CALN1: variants seen among roughly 807,000 people sequenced by gnomAD.
CALN1 encodes calneuron 1, also known as calcium-binding protein 8.
CALN1 carries 17 observed loss-of-function variants against 30.6 expected under a neutral mutation model. The observed-to-expected ratio is 0.56, with a 90% CI of 0.38 to 0.83. The LOEUF is 0.83. Ranked by LOEUF, CALN1 falls within the 40% of genes least tolerant of loss-of-function variation. CALN1 has a pLI of 0.00. For synonymous variants in CALN1, 156 were observed against 131.4 expected, an observed-to-expected ratio of 1.19 and a Z score of -1.28; for missense variants, 291 against 354.9, an observed-to-expected ratio of 0.82 and a Z score of 1.45.
intron 5 of CALN1, among the ~76,000 whole-genome samples, chr7:71,863,687 G>C (rs1203391352): frequency 6.6e-6 from 1 of 151,744 alleles, no homozygotes; most frequent in African/African-American, 2.4e-5. Flanking sequence ...AAGGCTCCAC[G>C]CAGGAGTCTG....
At chr7:72,025,452 C>A (rs1312842560) in intron 4 of CALN1, among the ~76,000 whole-genome samples, 2 of 152,200 alleles carry the variant, frequency 1.3e-5, no homozygotes, top group African/African-American at 2.4e-5. Context: ...ATATTGAACA[C>A]CAAAGCAGGC....
chr7:71,901,170 C>G (rs989027999), intron 5 of CALN1, among the ~76,000 whole-genome samples: 3 of 151,932 alleles, frequency 2.0e-5, no homozygotes, highest in Non-Finnish European at 2.9e-5. Context: ...ACTATAATTA[C>G]CAAAATAATA....
Position 71,787,915 on chromosome 7 carries a change from G to A in CALN1, c.659-13C>T, listed in dbSNP as rs1228415397. On this transcript the variant is annotated splice_polypyrimidine_tract_variant and intron_variant, in intron 6 of 6. Coordinates refer to ENST00000395275, the MANE Select transcript of CALN1 (RefSeq NM_031468.4). The stretch of plus-strand genomic sequence containing the variant: ...TTCTGGGAATGCACTGGTGGTGGGA[G>A]AAGCAGGTGTGGGAAGAAGGAAGAG... 2.5e-6 allele frequency: 4 copies of A among 1,613,996 alleles called. No individual in the cohort carries two copies. In the South Asian group the frequency reaches 3.3e-5, roughly 13 times the overall value.
intron 5 of CALN1, among the ~76,000 whole-genome samples, chr7:71,834,085 G>A (rs1255987367): frequency 6.6e-6 from 1 of 151,628 alleles, no homozygotes; most frequent in Non-Finnish European, 1.5e-5. Context: ...AGCTGGGCAT[G>A]GTAGTGCGTG....
At chr7:72,338,470 A>AGAGAGTGTGTGT (rs1031551970) in intron 2 of CALN1, among the ~76,000 whole-genome samples, 3 of 74,806 alleles carry the variant, frequency 4.0e-5, no homozygotes, top group East Asian at 8.4e-4. Flanking sequence ...CCAGCAGCAC[A>AGAGAGTGTGTGT]GTGTGTGTGT....
intron 5 of CALN1, among the ~76,000 whole-genome samples, chr7:71,813,618 T>G (rs1277579558): frequency 6.6e-6 from 1 of 152,116 alleles, no homozygotes; most frequent in Non-Finnish European, 1.5e-5. Context: ...AAAGACACTA[T>G]AACTGTTCCA....
intron 2 of CALN1, among the ~76,000 whole-genome samples, chr7:72,377,753 C>A (rs184488961): frequency 1.4e-4 from 22 of 152,188 alleles, no homozygotes; most frequent in Non-Finnish European, 3.1e-4. Flanking sequence ...CCCAGTCTTT[C>A]CAGAAGAGCT....
chr7:71,950,613 G>T (rs1796640986), intron 5 of CALN1, among the ~76,000 whole-genome samples: 1 of 152,020 alleles, frequency 6.6e-6, no homozygotes, highest in African/African-American at 2.4e-5. Flanking sequence ...TCCTTCTTTT[G>T]TCCCTAACAC....
At chr7:71,813,506 A>C (rs538819556) in intron 5 of CALN1, among the ~76,000 whole-genome samples, 1 of 152,362 alleles carries the variant, frequency 6.6e-6, no homozygotes, top group South Asian at 2.1e-4. Flanking sequence ...TGTCTCAAAA[A>C]TAATTGTGGA....
chr7:71,853,074 T>C (rs958127280), intron 5 of CALN1, among the ~76,000 whole-genome samples: 5 of 152,054 alleles, frequency 3.3e-5, no homozygotes, highest in African/African-American at 1.2e-4. Flanking sequence ...TAAACACTTA[T>C]TATTATTTGC....
At chr7:72,234,829 G>T (rs899741570) in intron 3 of CALN1, among the ~76,000 whole-genome samples, 1 of 152,226 alleles carries the variant, frequency 6.6e-6, no homozygotes, top group Non-Finnish European at 1.5e-5. Flanking sequence ...CCAGATGCTG[G>T]ATCTCGGTAG....
At chr7:72,383,175 T>G (rs183049743) in intron 2 of CALN1, among the ~76,000 whole-genome samples, 162 of 152,348 alleles carry the variant, frequency 1.1e-3, no homozygotes, top group African/African-American at 3.6e-3. Flanking sequence ...GATGAGCAGC[T>G]AGGTTGATTC....
intron 3 of CALN1, among the ~76,000 whole-genome samples, chr7:72,236,392 G>C (rs146949198): frequency 3.9e-4 from 60 of 152,294 alleles, no homozygotes; most frequent in African/African-American, 1.3e-3. Flanking sequence ...ATCAACTGCA[G>C]AAGAAACCAA....
chr7:72,002,978 A>G (rs578205850), intron 5 of CALN1, among the ~76,000 whole-genome samples: 1 of 152,314 alleles, frequency 6.6e-6, no homozygotes, highest in Non-Finnish European at 1.5e-5. Flanking sequence ...GATCTATTAT[A>G]TAATATGGTG....
chr7:72,339,869 A>C (rs1471561961), intron 2 of CALN1, among the ~76,000 whole-genome samples: 1 of 152,206 alleles, frequency 6.6e-6, no homozygotes, highest in African/African-American at 2.4e-5. Context: ...ATTTCCTCCC[A>C]ACAGATCCCT....
intron 3 of CALN1, among the ~76,000 whole-genome samples, chr7:72,212,063 CAG>C (rs1228502366): frequency 1.3e-5 from 2 of 152,038 alleles, no homozygotes; most frequent in African/African-American, 4.8e-5. Flanking sequence ...TGTTAAATAC[CAG>C]AGAGGGGCCG....
chr7:72,501,370 T>TAAAAAAAAAAAAAAAAAAAAAAA, the CALN1 span, among the ~76,000 whole-genome samples: 2 of 42,798 alleles, frequency 4.7e-5, no homozygotes, highest in Non-Finnish European at 7.7e-5. Flanking sequence ...ACGTCTCTAT[T>TAAAAAAAAAAAAAAAAAAAAAAA]AAAAAAAAAA....
intron 2 of CALN1, among the ~76,000 whole-genome samples, chr7:72,399,270 C>CTTTTTTT (rs5884888): frequency 4.7e-5 from 5 of 106,774 alleles, no homozygotes; most frequent in African/African-American, 7.5e-5. Flanking sequence ...TAACCTATTG[C>CTTTTTTT]TTTTTTTTTT....
At chr7:71,838,005 A>C (rs899869676) in intron 5 of CALN1, among the ~76,000 whole-genome samples, 1 of 152,178 alleles carries the variant, frequency 6.6e-6, no homozygotes, top group African/African-American at 2.4e-5. Flanking sequence ...TGATTAGTAG[A>C]TTAACGTTAA....
Sources: allele counts gnomAD v4.1 joint callset (sites outside exome capture counted in the v4.1 genomes callset), GRCh38; gene constraint gnomAD v4.1.1; transcripts MANE v1.5; gene names NCBI Gene and HGNC (gene_info 2026-07-23, HGNC 2026-07-21).